The following GNAL variants were observed in gnomAD, a reference collection of about 807,000 sequenced individuals.
The protein encoded by GNAL is G protein subunit alpha L, also known as guanine nucleotide-binding protein G(olf) subunit alpha.
GNAL carries 18 observed loss-of-function variants against 55.1 expected under a neutral mutation model. The observed-to-expected ratio is 0.33, with a 90% CI of 0.23 to 0.48. The LOEUF is 0.48. Among genes scored for constraint, GNAL ranks in the 20% least tolerant of loss-of-function variants. GNAL has a pLI of 0.99. For synonymous variants in GNAL, 253 were observed against 237.0 expected, an observed-to-expected ratio of 1.07 and a Z score of -0.62; for missense variants, 412 against 614.1, an observed-to-expected ratio of 0.67 and a Z score of 3.48.
At chr18:11,846,359 ATTTC>A (rs1241910419) in intron 5 of GNAL, among the ~76,000 whole-genome samples, 2 of 151,094 alleles carry the variant, frequency 1.3e-5, no homozygotes, top group Non-Finnish European at 2.9e-5. Context: ...CTGCTGTTCT[ATTTC>A]TTTCTCTTTC....
At chr18:11,852,714 A>G (rs2035909300) in intron 5 of GNAL, 1 of 166,174 alleles carries the variant, frequency 6.0e-6, no homozygotes, top group Admixed American at 6.6e-5. Flanking sequence ...AAATTACCTT[A>G]GGATATTTTT....
At chr18:11,757,037 A>G (rs2033079717) in intron 4 of GNAL, among the ~76,000 whole-genome samples, 1 of 152,194 alleles carries the variant, frequency 6.6e-6, no homozygotes, top group South Asian at 2.1e-4. Flanking sequence ...GGGTTCTTCA[A>G]TTTAAGAAGG....
At chr18:11,790,599 TA>T (rs1176413133) in intron 4 of GNAL, among the ~76,000 whole-genome samples, 1 of 152,086 alleles carries the variant, frequency 6.6e-6, no homozygotes, top group East Asian at 1.9e-4. Flanking sequence ...GACACTTATG[TA>T]AAATTCTCTG....
At chr18:11,829,802 G>T (rs1054502590) in intron 5 of GNAL, among the ~76,000 whole-genome samples, 8 of 152,180 alleles carry the variant, frequency 5.3e-5, no homozygotes, top group African/African-American at 1.7e-4. Context: ...TTGAGGTCAG[G>T]AGTTCGAGAC....
intron 1 of GNAL, among the ~76,000 whole-genome samples, chr18:11,704,584 T>G (rs1166024084): frequency 1.3e-5 from 2 of 152,148 alleles, no homozygotes; most frequent in African/African-American, 4.8e-5. Context: ...ACTTCTGGGC[T>G]CCCTCCCCAG....
rs765282875 is a variant in GNAL at position 11,868,695 on chromosome 18, T to G, written c.1031+32T>G. 1.3e-6 allele frequency: 2 copies of G among 1,580,906 alleles called. No homozygotes were observed. The highest frequency in any genetic ancestry group is 1.4e-5 in the African/African-American group (1 of 73,280). On this transcript the variant is annotated intron_variant, in intron 9 of 11. Transcript: ENST00000334049. This position sits in a 1 kb window ranked among gnomAD's most constrained non-coding sequence, Gnocchi z 4.0. ...AAAATAGCAAATTCAGTCTTACCAT[T>G]GGATTGCAAATTTTCTTTTGTTAAA...
In GNAL at chr18:11,868,587, A is replaced by T. The variant is rs2036319182; in HGVS notation, c.955A>T (p.Met319Leu). The T allele has an allele frequency of 6.2e-7, 1 of 1,610,810 alleles. No individual in the cohort carries two copies. The highest frequency in any genetic ancestry group is 8.5e-7 in the Non-Finnish European group (1 of 1,177,564). Reference sequence around the variant, plus strand: ...CGTCGCAGCCTGCAGTAGCTACAACATGGTGATTCGAGAAGATAACAACAC... The same window carrying T: ...CGTCGCAGCCTGCAGTAGCTACAACTTGGTGATTCGAGAAGATAACAACAC... The part of the protein sequence containing the change: ...IYVAACSSYN[M>L]VIREDNNTNR... Residue 319 changes from methionine (M) to leucine (L), a missense_variant, in exon 9 of 12, where the codon ATG becomes TTG. By Grantham distance (15) the Met-to-Leu change is conservative. Coordinates refer to ENST00000334049, the MANE Select transcript of GNAL (RefSeq NM_182978.4). The surrounding 1 kb of genome is among the most constrained non-coding windows in gnomAD (Gnocchi z 4.0).
intron 11 of GNAL, among the ~76,000 whole-genome samples, chr18:11,877,419 C>T (rs753560757): frequency 3.9e-5 from 6 of 152,244 alleles, no homozygotes; most frequent in Non-Finnish European, 8.8e-5. Context: ...CACACCACTG[C>T]ACTCCAGCCT....
intron 1 of GNAL, among the ~76,000 whole-genome samples, chr18:11,730,278 G>A (rs2032308750): frequency 6.6e-6 from 1 of 151,626 alleles, no homozygotes; most frequent in African/African-American, 2.4e-5. Context: ...TTCTGCCTCA[G>A]CCTCCTGAGT....
chr18:11,836,144 G>A (rs532607911), intron 5 of GNAL, among the ~76,000 whole-genome samples: 18 of 151,340 alleles, frequency 1.2e-4, no homozygotes, highest in Admixed American at 6.6e-4. Context: ...AGGCCCTGTC[G>A]CAAAAAATAA....
At chr18:11,706,325 A>T (rs962406360) in intron 1 of GNAL, among the ~76,000 whole-genome samples, 1 of 149,996 alleles carries the variant, frequency 6.7e-6, no homozygotes, top group Non-Finnish European at 1.5e-5. Context: ...ATCATGTCTT[A>T]AAAAAAAGCA....
intron 4 of GNAL, among the ~76,000 whole-genome samples, chr18:11,805,059 A>G (rs59832519): frequency 1.4e-4 from 20 of 146,888 alleles, no homozygotes; most frequent in Admixed American, 4.0e-4. Flanking sequence ...TACAGGTGCA[A>G]TTTGAGTGGA....
chr18:11,874,278 G>C (rs572944708), intron 10 of GNAL: 1 of 152,226 alleles, frequency 6.6e-6, no homozygotes, highest in Non-Finnish European at 1.5e-5. Flanking sequence ...TGGAAGCCTG[G>C]GACCACCATC....
chr18:11,852,821 C>G (rs1387471661), intron 5 of GNAL: 1 of 166,912 alleles, frequency 6.0e-6, no homozygotes, highest in Non-Finnish European at 1.5e-5. Context: ...CCTTTATTAT[C>G]TGGAAAAATT....
intron 1 of GNAL, among the ~76,000 whole-genome samples, chr18:11,706,345 T>G (rs1467460844): frequency 6.6e-6 from 1 of 152,108 alleles, no homozygotes; most frequent in Non-Finnish European, 1.5e-5. Context: ...ACACCTTAAT[T>G]TAAAAATATT....
intron 5 of GNAL, among the ~76,000 whole-genome samples, chr18:11,861,714 C>T (rs1271552580): frequency 2.6e-5 from 4 of 152,164 alleles, no homozygotes; most frequent in African/African-American, 7.2e-5. Context: ...CACCCAAGAG[C>T]GGCGCACAGC....
At chr18:11,724,241 G>C (rs1017717624) in intron 1 of GNAL, among the ~76,000 whole-genome samples, 11 of 152,170 alleles carry the variant, frequency 7.2e-5, no homozygotes, top group Non-Finnish European at 4.4e-5. Context: ...CAGCCTCTGG[G>C]GGGGACCTCA....
chr18:11,849,416 C>T (rs1417442371), intron 5 of GNAL, among the ~76,000 whole-genome samples: 1 of 150,522 alleles, frequency 6.6e-6, no homozygotes, highest in African/African-American at 2.5e-5. Context: ...GCAGGAGAAT[C>T]GCGTGAACCC....
chr18:11,698,001 A>C (rs1035899115), intron 1 of GNAL, among the ~76,000 whole-genome samples: 4 of 152,112 alleles, frequency 2.6e-5, no homozygotes, highest in African/African-American at 7.2e-5. Context: ...CGGAGAGGAC[A>C]TGCCACCTAG....
Sources: gnomAD v4.1 joint callset for allele counts (sites outside exome capture counted in the v4.1 genomes callset) on GRCh38, gnomAD v4.1.1 for gene constraint, Gnocchi (gnomAD v3.1) non-coding constraint, MANE v1.5 for transcripts, NCBI Gene and HGNC (gene_info 2026-07-23, HGNC 2026-07-21) for gene names.